The following NLGN1 variants were observed in gnomAD, a reference collection of about 807,000 sequenced individuals.
NLGN1 encodes neuroligin-1.
In NLGN1, 12 loss-of-function variants were observed where a neutral mutation model predicts 65.5. The ratio of observed to expected loss-of-function variants is 0.18; its 90% CI spans 0.12 to 0.30. The LOEUF (loss-of-function observed/expected upper bound fraction) is 0.30, where lower values mean the gene tolerates loss of function less well. Among genes scored for constraint, NLGN1 ranks in the 10% least tolerant of loss-of-function variants. The probability of loss-of-function intolerance (pLI) is 1.00; values close to 1 mark genes in which losing one functional copy is unlikely to be tolerated. For synonymous variants in NLGN1, 350 were observed against 359.5 expected, an observed-to-expected ratio of 0.97 and a Z score of 0.30; for missense variants, 750 against 1,007.1, an observed-to-expected ratio of 0.74 and a Z score of 3.46.
At chr3:173,511,245 A>G (rs1732913000) in intron 2 of NLGN1, among the ~76,000 whole-genome samples, 1 of 152,130 alleles carries the variant, frequency 6.6e-6, no homozygotes, top group Non-Finnish European at 1.5e-5. Flanking sequence ...ACTTTATTTT[A>G]TATAGCCTGT....
intron 2 of NLGN1, among the ~76,000 whole-genome samples, chr3:173,462,835 A>C (rs1411139944): frequency 6.6e-6 from 1 of 152,236 alleles, no homozygotes; most frequent in Non-Finnish European, 1.5e-5. Flanking sequence ...AGAACTTGAC[A>C]GTACCAAACA....
chr3:173,958,444 C>T (rs1009246760), intron 4 of NLGN1, among the ~76,000 whole-genome samples: 1 of 152,066 alleles, frequency 6.6e-6, no homozygotes, highest in African/African-American at 2.4e-5. Context: ...AGCTCCTCTC[C>T]GTGGCTGATT....
chr3:173,848,600 A>G (rs769948912), intron 4 of NLGN1, among the ~76,000 whole-genome samples: 1 of 152,190 alleles, frequency 6.6e-6, no homozygotes, highest in Non-Finnish European at 1.5e-5. Context: ...AATAACAACA[A>G]TGTAATGCCA....
intron 4 of NLGN1, among the ~76,000 whole-genome samples, chr3:174,098,889 C>G (rs530582021): frequency 6.6e-6 from 1 of 152,118 alleles, no homozygotes; most frequent in East Asian, 1.9e-4. Flanking sequence ...AATGCATAAG[C>G]CATTAGAAGA....
chr3:174,232,921 G>T (rs1740993333), intron 4 of NLGN1, among the ~76,000 whole-genome samples: 2 of 152,200 alleles, frequency 1.3e-5, no homozygotes, highest in South Asian at 4.1e-4. Flanking sequence ...GGACAGCTTT[G>T]CAAGACCACT....
chr3:174,133,380 CCA>C (rs879751860), intron 4 of NLGN1, among the ~76,000 whole-genome samples: 1 of 152,158 alleles, frequency 6.6e-6, no homozygotes, highest in Non-Finnish European at 1.5e-5. Flanking sequence ...AAAACTCCTC[CCA>C]TTTAATCTTT....
chr3:173,934,523 T>A (rs1246006111), intron 4 of NLGN1, among the ~76,000 whole-genome samples: 1 of 151,910 alleles, frequency 6.6e-6, no homozygotes, highest in African/African-American at 2.4e-5. Flanking sequence ...ACTTTTTATA[T>A]GGAGGATAAG....
chr3:174,059,378 A>T lies in NLGN1; in HGVS notation c.647-215937A>T, dbSNP rs144185199. On this transcript the variant is annotated intron_variant, in intron 4 of 6. Transcript: ENST00000457714. ...AGAATTCCGTTCAACAGTGTTTTTC[A>T]TTGCAAATGGGATGAAATGGTTTAA... 1.7e-4 allele frequency among the ~76,000 whole-genome samples: 26 copies of T among 152,266 alleles called. No homozygotes were observed. In the East Asian group the frequency reaches 4.4e-3, roughly 26 times the overall value.
chr3:173,554,325 G>T (rs1741372122), intron 2 of NLGN1, among the ~76,000 whole-genome samples: 1 of 152,134 alleles, frequency 6.6e-6, no homozygotes, highest in Non-Finnish European at 1.5e-5. Context: ...CTACAGTGAA[G>T]GTTAAGTTAC....
chr3:173,434,648 T>A (rs1001278776), intron 1 of NLGN1, among the ~76,000 whole-genome samples: 2 of 152,156 alleles, frequency 1.3e-5, no homozygotes, highest in African/African-American at 2.4e-5. Context: ...AAGAGCTAAG[T>A]TCCTTGAATG....
At chr3:174,187,167 A>G (rs1421431) in intron 4 of NLGN1, among the ~76,000 whole-genome samples, 124 of 151,776 alleles carry the variant, frequency 8.2e-4, no homozygotes, top group African/African-American at 1.9e-3. Flanking sequence ...TTTTCAATCA[A>G]TGATTGGTAG....
intron 4 of NLGN1, among the ~76,000 whole-genome samples, chr3:174,092,012 A>G (rs1744610800): frequency 6.6e-6 from 1 of 152,238 alleles, no homozygotes; most frequent in East Asian, 1.9e-4. Context: ...ATCTTTCAAC[A>G]TATAAAGATA....
chr3:173,607,620 A>G (rs1048515694), intron 3 of NLGN1, among the ~76,000 whole-genome samples: 1 of 151,712 alleles, frequency 6.6e-6, no homozygotes, highest in Non-Finnish European at 1.5e-5. Context: ...TTATTTTTCT[A>G]CCATGAAGGG....
At chr3:174,272,738 A>C (rs1472692120) in intron 4 of NLGN1, among the ~76,000 whole-genome samples, 1 of 151,616 alleles carries the variant, frequency 6.6e-6, no homozygotes, top group Non-Finnish European at 1.5e-5. Flanking sequence ...GATAGATGAT[A>C]GATAACATAC....
Position 174,217,575 on chromosome 3 carries a change from CTTTT to C in NLGN1, c.647-57739_647-57736del, listed in dbSNP as rs754237733. On this transcript the variant is annotated intron_variant, in intron 4 of 6. Coordinates refer to ENST00000457714, the Ensembl canonical transcript of NLGN1. ...CCCATGAGACCTCTCTGTGGGATCC[CTTTT>C]ATAAGAGCTCTAATCCCCTTCACGA... Among the ~76,000 whole-genome samples the C allele has an allele frequency of 6.1e-4, 93 of 151,990 alleles. 1 individual carries two copies. The highest frequency in any genetic ancestry group is 1.2e-3 in the Non-Finnish European group (83 of 67,958).
At chr3:174,226,044 T>C (rs1275368197) in intron 4 of NLGN1, among the ~76,000 whole-genome samples, 1 of 152,148 alleles carries the variant, frequency 6.6e-6, no homozygotes, top group East Asian at 1.9e-4. Context: ...GGTGATGTTC[T>C]CTTTATGAAC....
chr3:173,718,259 CTA>C (rs1770212272), intron 3 of NLGN1, among the ~76,000 whole-genome samples: 1 of 152,092 alleles, frequency 6.6e-6, no homozygotes, highest in African/African-American at 2.4e-5. Flanking sequence ...TTCTCTCTAA[CTA>C]TATGTTTGTA....
intron 4 of NLGN1, chr3:174,057,793 A>G (rs1409301169): frequency 6.6e-6 from 1 of 152,110 alleles, no homozygotes; most frequent in Non-Finnish European, 1.5e-5. Flanking sequence ...AGCAGAAATC[A>G]TCTTTAGTCA....
At chr3:173,781,828 T>A (rs1050037924) in intron 3 of NLGN1, among the ~76,000 whole-genome samples, 2 of 152,224 alleles carry the variant, frequency 1.3e-5, no homozygotes, top group African/African-American at 4.8e-5. Flanking sequence ...TTAAACAAAG[T>A]ATATTAGGCA....
Sources: allele counts gnomAD v4.1 joint callset (sites outside exome capture counted in the v4.1 genomes callset), GRCh38; gene constraint gnomAD v4.1.1; transcripts MANE v1.5; gene names NCBI Gene and HGNC (gene_info 2026-07-23, HGNC 2026-07-21).